Variants in ITGBL1 observed in about 807,000 individuals in gnomAD.
ITGBL1 encodes the protein integrin beta-like protein 1.
ITGBL1 carries 51 observed loss-of-function variants against 68.5 expected under a neutral mutation model. The ratio of observed to expected loss-of-function variants is 0.74; its 90% CI spans 0.59 to 0.94. The LOEUF is 0.94. Among genes scored for constraint, ITGBL1 ranks in the 40% least tolerant of loss-of-function variants. The pLI is 0.00. For synonymous variants in ITGBL1, 209 were observed against 227.3 expected (o/e 0.92, Z 0.72); for missense variants, 649 against 647.4 (o/e 1.00, Z -0.03).
At chr13:101,460,451 T>G (rs4432127) in intron 2 of ITGBL1, among the ~76,000 whole-genome samples, 5,140 of 152,320 alleles carry the variant, frequency 0.034, 289 homozygotes, top group African/African-American at 0.12. Flanking sequence ...TACATTCATC[T>G]GTGTTCGATA....
intron 2 of ITGBL1, among the ~76,000 whole-genome samples, chr13:101,502,780 A>C: frequency 6.6e-6 from 1 of 152,214 alleles, no homozygotes; most frequent in Non-Finnish European, 1.5e-5. Context: ...AGAATGCCAG[A>C]GGCCCTTTTC....
intron 2 of ITGBL1, among the ~76,000 whole-genome samples, chr13:101,566,982 C>T (rs941182619): frequency 1.3e-5 from 2 of 152,046 alleles, no homozygotes; most frequent in African/African-American, 4.8e-5. Context: ...GGACAAGGAC[C>T]AAGTACTGCA....
At chr13:101,653,044 C>G (rs1008999292) in intron 7 of ITGBL1, among the ~76,000 whole-genome samples, 1 of 151,244 alleles carries the variant, frequency 6.6e-6, no homozygotes, top group Non-Finnish European at 1.5e-5. Context: ...TGCAGTGAGC[C>G]GAGATCACGC....
chr13:101,662,555 T>C (rs1172577552), intron 7 of ITGBL1, among the ~76,000 whole-genome samples: 1 of 152,156 alleles, frequency 6.6e-6, no homozygotes, highest in Non-Finnish European at 1.5e-5. Context: ...CATTTGGTTG[T>C]TCTTACTTTT....
At chr13:101,605,774 A>G (rs371277206) in intron 7 of ITGBL1, among the ~76,000 whole-genome samples, 4 of 57,662 alleles carry the variant, frequency 6.9e-5, no homozygotes, top group East Asian at 1.1e-3. Flanking sequence ...ACACGTGTGT[A>G]GGCATATGTA....
intron 2 of ITGBL1, among the ~76,000 whole-genome samples, chr13:101,503,308 C>T (rs1193419115): frequency 6.6e-6 from 1 of 152,160 alleles, no homozygotes; most frequent in African/African-American, 2.4e-5. Context: ...AGTGGTGAGG[C>T]TCTCATTGGC....
intron 2 of ITGBL1, among the ~76,000 whole-genome samples, chr13:101,488,426 C>A (rs922137251): frequency 6.6e-6 from 1 of 152,182 alleles, no homozygotes; most frequent in Non-Finnish European, 1.5e-5. Flanking sequence ...AGCTTTCCCA[C>A]GTTCACTGCT....
chr13:101,551,937 A>G (rs2049927923), intron 2 of ITGBL1, among the ~76,000 whole-genome samples: 1 of 152,196 alleles, frequency 6.6e-6, no homozygotes, highest in Non-Finnish European at 1.5e-5. Context: ...GGTCAAGAGC[A>G]GGGAGGGCAG....
intron 7 of ITGBL1, among the ~76,000 whole-genome samples, chr13:101,653,862 TG>T (rs59740120): frequency 0.4 from 49,057 of 123,032 alleles, 10,506 homozygotes; most frequent in South Asian, 0.49. Flanking sequence ...CTACTTTTTT[TG>T]TTTTTTGTTT....
chr13:101,625,999 A>G (rs955228373), intron 7 of ITGBL1, among the ~76,000 whole-genome samples: 3 of 152,206 alleles, frequency 2.0e-5, no homozygotes, highest in Non-Finnish European at 4.4e-5. Context: ...ACTTAAGGGA[A>G]TGGCTTGGAT....
intron 7 of ITGBL1, among the ~76,000 whole-genome samples, chr13:101,671,532 G>A (rs866900196): frequency 4.4e-4 from 60 of 136,210 alleles, no homozygotes; most frequent in African/African-American, 1.3e-3. Flanking sequence ...TCCGCCTCCC[G>A]GGTTCACGCC....
At chr13:101,632,707 CTACTT>C (rs1566766761) in intron 7 of ITGBL1, among the ~76,000 whole-genome samples, 2 of 152,260 alleles carry the variant, frequency 1.3e-5, no homozygotes, top group Non-Finnish European at 2.9e-5. Flanking sequence ...TCAAAAATCT[CTACTT>C]AATTTGGGTG....
intron 7 of ITGBL1, among the ~76,000 whole-genome samples, chr13:101,642,840 T>A (rs1276461592): frequency 3.3e-5 from 5 of 152,116 alleles, no homozygotes; most frequent in African/African-American, 1.2e-4. Context: ...CCATTGCTTA[T>A]TTTTCTCAGG....
At chr13:101,659,278 T>C (rs969894957) in intron 7 of ITGBL1, among the ~76,000 whole-genome samples, 1 of 152,136 alleles carries the variant, frequency 6.6e-6, no homozygotes, top group African/African-American at 2.4e-5. Context: ...TTGATTTTCT[T>C]CTAGTATTTT....
chr13:101,583,258 CGACTGGG>C lies in ITGBL1; in HGVS notation c.780_786del (p.Asp260GlufsTer145), dbSNP rs1266322967. ...GAATGTACCTGTCACGATGTTGATC[CGACTGGG>C]GACTGGGGAGATATTCATGGGGACA... On this transcript the variant is annotated frameshift_variant, in exon 6 of 11. Coordinates refer to ENST00000376180, the MANE Select transcript of ITGBL1 (RefSeq NM_004791.3). LOFTEE classifies it high-confidence loss of function. 1.2e-6 allele frequency: 2 copies of C among 1,613,042 alleles called. No homozygotes were observed. Among genetic ancestry groups the C allele is most frequent in the African/African-American group, 2.7e-5 (2 of 74,682 alleles).
At chr13:101,503,780 T>C (rs968437308) in intron 2 of ITGBL1, among the ~76,000 whole-genome samples, 1 of 152,200 alleles carries the variant, frequency 6.6e-6, no homozygotes, top group Non-Finnish European at 1.5e-5. Flanking sequence ...CTTGAGACTT[T>C]CCTTTGCTGT....
chr13:101,612,174 T>G (rs2031160955), intron 7 of ITGBL1, among the ~76,000 whole-genome samples: 1 of 152,230 alleles, frequency 6.6e-6, no homozygotes, highest in Non-Finnish European at 1.5e-5. Context: ...TTTGGCCTCT[T>G]TGATGCTCAA....
rs115970635 is a variant in ITGBL1, at chr13:101,516,314, C to A, written c.317-51385C>A. Among the ~76,000 whole-genome samples the A allele has an allele frequency of 4.2e-3, 639 of 152,224 alleles. 5 individuals are homozygous for A. The highest frequency in any genetic ancestry group is 0.015 in the African/African-American group (615 of 41,546). On this transcript the variant is annotated intron_variant, in intron 2 of 10. Coordinates refer to ENST00000376180, the MANE Select transcript of ITGBL1 (RefSeq NM_004791.3). ...TTGTGATTAAAAAGCACTCTAATCT[C>A]TAGGGTTAGATTATCATGTCTAAAT...
At chr13:101,578,343 G>A (rs2050398196) in intron 4 of ITGBL1, among the ~76,000 whole-genome samples, 1 of 152,094 alleles carries the variant, frequency 6.6e-6, no homozygotes, top group Admixed American at 6.5e-5. Flanking sequence ...AAAGACTTTA[G>A]CCATAGACTG....
Sources: gnomAD v4.1 joint callset for allele counts (sites outside exome capture counted in the v4.1 genomes callset) on GRCh38, gnomAD v4.1.1 for gene constraint, MANE v1.5 for transcripts, NCBI Gene and HGNC (gene_info 2026-07-23, HGNC 2026-07-21) for gene names.